PRTG: variants seen among roughly 807,000 people sequenced by gnomAD.
PRTG encodes protogenin.
PRTG carries 67 observed loss-of-function variants against 122.5 expected under a neutral mutation model. The ratio of observed to expected loss-of-function variants is 0.55; its 90% CI spans 0.45 to 0.67. PRTG has a LOEUF of 0.67. Among genes scored for constraint, PRTG ranks in the 30% least tolerant of loss-of-function variants. The pLI is 0.00. For missense variants in PRTG, 1,435 were observed against 1,415.4 expected, an observed-to-expected ratio of 1.01 and a Z score of -0.22; for synonymous variants, 554 against 501.1, an observed-to-expected ratio of 1.11 and a Z score of -1.41.
At chr15:55,717,051 G>A (rs1355296975) in intron 2 of PRTG, among the ~76,000 whole-genome samples, 2 of 152,142 alleles carry the variant, frequency 1.3e-5, no homozygotes, top group Non-Finnish European at 2.9e-5. Context: ...CAAAGGCTTA[G>A]GTTACATGAC....
chr15:55,725,031 T>C (rs1180357389), intron 2 of PRTG, among the ~76,000 whole-genome samples: 1 of 152,358 alleles, frequency 6.6e-6, no homozygotes, highest in South Asian at 2.1e-4. Context: ...GCCAGCAGTA[T>C]TGTATTTTTG....
intron 11 of PRTG, among the ~76,000 whole-genome samples, chr15:55,645,694 G>A (rs2059318363): frequency 2.6e-5 from 4 of 152,020 alleles, no homozygotes; most frequent in Admixed American, 2.6e-4. Flanking sequence ...ACCCTCCAAC[G>A]CCTATGGGAC....
intron 19 of PRTG, among the ~76,000 whole-genome samples, 166 bp from the exon 20 acceptor site, chr15:55,620,432 C>T (rs1223410942): frequency 6.6e-6 from 1 of 152,182 alleles, no homozygotes; most frequent in African/African-American, 2.4e-5. Context: ...CTGCTCCTAT[C>T]CCTTACCTCA....
chr15:55,665,800 C>T (rs2059436355), intron 11 of PRTG, among the ~76,000 whole-genome samples: 1 of 152,116 alleles, frequency 6.6e-6, no homozygotes, highest in African/African-American at 2.4e-5. Context: ...AGTGATCCAC[C>T]CACATCGGCC....
At chr15:55,665,673 G>A (rs1259625589) in intron 11 of PRTG, among the ~76,000 whole-genome samples, 1 of 151,644 alleles carries the variant, frequency 6.6e-6, no homozygotes. Context: ...AGCCTCCTGA[G>A]TAGCTAGGAT....
intron 2 of PRTG, among the ~76,000 whole-genome samples, chr15:55,710,470 A>C (rs1454305624): frequency 6.6e-6 from 1 of 152,196 alleles, no homozygotes; most frequent in African/African-American, 2.4e-5. Flanking sequence ...CCAAACCACT[A>C]AATTACTCAC....
At position 55,612,533 on chromosome 15, in the gene PRTG, T is replaced by C. The variant is rs1279917713; in HGVS notation, c.*7479A>G. ...ACCAGAATCAGGTGCCAGTATGTGTTGCCCTATATAAAATGCATTCATTTG... is the reference window on the plus strand; with the variant it reads ...ACCAGAATCAGGTGCCAGTATGTGTCGCCCTATATAAAATGCATTCATTTG... On this transcript the variant is annotated 3_prime_UTR_variant, in exon 20 of 20. Transcript: ENST00000389286. 1.3e-5 allele frequency: 2 copies of C among 151,704 alleles called. No homozygotes were observed. Among genetic ancestry groups the C allele is most frequent in the Non-Finnish European group, 2.9e-5 (2 of 67,856 alleles). The allele number at this position is 151,704 out of a possible 1,614,324, so 9.4% of individuals were successfully genotyped here.
intron 2 of PRTG, among the ~76,000 whole-genome samples, chr15:55,692,835 CTTTTTTTT>C (rs774248341): frequency 5.3e-5 from 4 of 74,952 alleles, no homozygotes; most frequent in Admixed American, 2.2e-4. Flanking sequence ...AATGCAATCT[CTTTTTTTT>C]TTTTTTTTTT....
chr15:55,621,001 T>C (rs957926801), intron 18 of PRTG, among the ~76,000 whole-genome samples: 5 of 152,176 alleles, frequency 3.3e-5, no homozygotes, highest in Non-Finnish European at 2.9e-5. Context: ...TAAGCATTAG[T>C]ACACAAAATG....
At chr15:55,718,268 G>A (rs564231247) in intron 2 of PRTG, among the ~76,000 whole-genome samples, 70 of 152,220 alleles carry the variant, frequency 4.6e-4, no homozygotes, top group Non-Finnish European at 8.5e-4. Context: ...AATAATTCTT[G>A]TTGTAAAATG....
At chr15:55,648,723 T>G (rs2059337195) in intron 11 of PRTG, among the ~76,000 whole-genome samples, 1 of 152,130 alleles carries the variant, frequency 6.6e-6, no homozygotes, top group African/African-American at 2.4e-5. Flanking sequence ...CAAATGAAAG[T>G]CCTGATGAAA....
chr15:55,706,582 CAAAAAA>C lies in PRTG; in HGVS notation c.398-22657_398-22652del, dbSNP rs59227432. Among the ~76,000 whole-genome samples, 76 of 99,238 alleles carry C rather than the reference CAAAAAA, an allele frequency of 7.7e-4. No homozygotes were observed. In the South Asian group the frequency reaches 8.1e-3, roughly 11 times the overall value. The allele number at this position is 99,238 out of a possible 152,430, so 65.1% of individuals were successfully genotyped here. A position where few individuals can be genotyped will look rare whatever the true frequency, so the allele number is the denominator to read the frequency against. On this transcript the variant is annotated intron_variant, in intron 2 of 19. Transcript: ENST00000389286. Reference sequence around the variant, plus strand: ...CAACAGAGTGAGACCTTGTCTCTACCAAAAAAAAAAAAAAAAAAAAAAAAGTTGTTT... The same window carrying C: ...CAACAGAGTGAGACCTTGTCTCTACCAAAAAAAAAAAAAAAAAAGTTGTTT...
At chr15:55,722,864 A>C (rs2030880046) in intron 2 of PRTG, among the ~76,000 whole-genome samples, 1 of 152,194 alleles carries the variant, frequency 6.6e-6, no homozygotes, top group Non-Finnish European at 1.5e-5. Context: ...GCCTCCAGGA[A>C]GAAGTAGTGA....
chr15:55,662,984 A>G (rs2059418251), intron 11 of PRTG, among the ~76,000 whole-genome samples: 2 of 152,140 alleles, frequency 1.3e-5, no homozygotes, highest in African/African-American at 4.8e-5. Flanking sequence ...CAACCTTTCC[A>G]ACCCAATATG....
chr15:55,672,084 C>T (rs1567092669), intron 11 of PRTG, among the ~76,000 whole-genome samples: 1 of 152,140 alleles, frequency 6.6e-6, no homozygotes, highest in Non-Finnish European at 1.5e-5. Flanking sequence ...TGAAACTTAA[C>T]CACTGAGTAT....
Position 55,638,657 on chromosome 15 carries a change from C to T in PRTG, c.2344G>A (p.Val782Ile), listed in dbSNP as rs1364420778. 6.2e-6 allele frequency: 10 copies of T among 1,612,946 alleles called. No individual in the cohort carries two copies. The highest frequency in any genetic ancestry group is 8.5e-6 in the Non-Finnish European group (10 of 1,179,544). The change falls in exon 14 of 20, where the codon GTT (valine) becomes ATT (isoleucine). Residue 782 changes from valine to isoleucine, a missense_variant. Val to Ile is a conservative substitution (Grantham distance 29, BLOSUM62 3). Coordinates refer to ENST00000389286, the MANE Select transcript of PRTG (RefSeq NM_173814.6). ...YLQTSETHML[V>I]QGLEPNTKYE... The stretch of plus-strand genomic sequence containing the variant: ...TTGGTGTTTGGTTCTAGACCTTGAA[C>T]CAACATGTGAGTTTCTGATCTATAA...
At position 55,628,925 on chromosome 15, in the gene PRTG, C is replaced by T. The variant is rs1595603261; in HGVS notation, c.2703G>A (p.Val901=). 1 of 1,613,938 alleles carries T rather than the reference C, an allele frequency of 6.2e-7. No individual in the cohort carries two copies. Among genetic ancestry groups the T allele is most frequent in the Non-Finnish European group, 8.5e-7 (1 of 1,179,888 alleles). The change falls in exon 16 of 20, where the codon GTG becomes GTA. Residue 901 remains valine (V), a synonymous_variant. Transcript: ENST00000389286. Reference sequence around the variant, plus strand: ...CAGAATTTGAAAAGGGTCCTTCTCCCACCTCATTGGATGCAGATATCTTGA... The same window carrying T: ...CAGAATTTGAAAAGGGTCCTTCTCCTACCTCATTGGATGCAGATATCTTGA... ...YIVKISASNE[V]GEGPFSNSVE...
At chr15:55,728,126 A>G (rs751104000) in intron 2 of PRTG, among the ~76,000 whole-genome samples, 13 of 152,140 alleles carry the variant, frequency 8.5e-5, no homozygotes, top group Non-Finnish European at 1.6e-4. Flanking sequence ...TCGGCCTCCC[A>G]AAGTGCTAGA....
At position 55,628,960 on chromosome 15, in the gene PRTG, C is replaced by A. The variant is rs1169602439; in HGVS notation, c.2668G>T (p.Val890Leu). ...ALLENLVAGNVYIVKISASNE... is the reference protein window; with the variant it reads ...ALLENLVAGNLYIVKISASNE... ...GATGCAGATATCTTGACAATGTACA[C>A]ATTTCCTGCTACCAAGTTTTCTAGC... Residue 890 changes from valine (V) to leucine (L), a missense_variant, in exon 16 of 20, where the codon GTG becomes TTG. Transcript: ENST00000389286. 2 of 1,612,738 alleles carry A rather than the reference C, an allele frequency of 1.2e-6. No individual in the cohort carries two copies.
Sources: gnomAD v4.1 joint callset for allele counts (sites outside exome capture counted in the v4.1 genomes callset) on GRCh38, gnomAD v4.1.1 for gene constraint, MANE v1.5 for transcripts, NCBI Gene and HGNC (gene_info 2026-07-23, HGNC 2026-07-21) for gene names.